Variants in ZBTB8OS observed in about 807,000 individuals in gnomAD.
ZBTB8OS encodes tRNA splicing ligase complex subunit 1.
A neutral mutation model predicts 29.3 loss-of-function variants in ZBTB8OS; 16 were observed. The ratio of observed to expected loss-of-function variants is 0.55; its 90% confidence interval spans 0.37 to 0.83. The LOEUF (loss-of-function observed/expected upper bound fraction) is 0.83. ZBTB8OS is among the 40% of genes least tolerant of loss of function. ZBTB8OS has a pLI of 0.00. For synonymous variants in ZBTB8OS, 70 were observed against 64.6 expected (o/e 1.08, Z -0.40); for missense variants, 160 against 196.9 (o/e 0.81, Z 1.12).
intron 1 of ZBTB8OS, among the ~76,000 whole-genome samples, chr1:32,647,997 A>G (rs139151110): frequency 1.3e-5 from 2 of 152,256 alleles, no homozygotes; most frequent in East Asian, 3.9e-4. Flanking sequence ...GCATTGCATA[A>G]AAACACTTTC....
chr1:32,624,512 T>G (rs1644968379), intron 6 of ZBTB8OS, among the ~76,000 whole-genome samples: 1 of 152,216 alleles, frequency 6.6e-6, no homozygotes, highest in Admixed American at 6.5e-5. Context: ...AAGACAGTAT[T>G]AAAACCAGGA....
rs779139153 is a variant in ZBTB8OS at position 32,650,497 on chromosome 1, G to A, written c.33C>T (p.Tyr11=). The part of the protein sequence containing the change: MAQEEEDVRD[Y]NLTEEQKAIK... ...TCGCCTTCTGTTCTTCAGTCAAATT[G>A]TAATCTCTAACATCTTCCTCTTCCT... The change falls in exon 1 of 7, where the codon TAC becomes TAT. Residue 11 remains tyrosine (Y), a synonymous_variant. Coordinates refer to ENST00000468695, the MANE Select transcript of ZBTB8OS (RefSeq NM_178547.5). 19 of 1,614,124 alleles carry A rather than the reference G, an allele frequency of 1.2e-5. No individual in the cohort carries two copies. The South Asian group carries it at 2.1e-4, about 18-fold the overall frequency.
At chr1:32,648,549 A>G (rs1448385403) in intron 1 of ZBTB8OS, among the ~76,000 whole-genome samples, 4 of 152,208 alleles carry the variant, frequency 2.6e-5, no homozygotes, top group African/African-American at 7.2e-5. Flanking sequence ...AAAGGTAACG[A>G]TGACTGCTCT....
At chr1:32,624,673 C>T (rs1021232252) in intron 6 of ZBTB8OS, among the ~76,000 whole-genome samples, 2 of 152,110 alleles carry the variant, frequency 1.3e-5, no homozygotes, top group Non-Finnish European at 2.9e-5. Flanking sequence ...GCAGGTGGAT[C>T]ACCTGAAGTC....
At chr1:32,647,235 G>A (rs1352091890) in intron 1 of ZBTB8OS, among the ~76,000 whole-genome samples, 1 of 134,864 alleles carries the variant, frequency 7.4e-6, no homozygotes, top group Non-Finnish European at 1.6e-5. Context: ...AGGCACGGTG[G>A]TGCATACCTG....
chr1:32,638,470 G>A lies in ZBTB8OS; in HGVS notation c.98-3678C>T, dbSNP rs1206895125. ...CCTCCCAAAAGCTGGGATTACAGGCGTGAGCCACTGCGACCAGCCCAGAAT... is the reference window on the plus strand; with the variant it reads ...CCTCCCAAAAGCTGGGATTACAGGCATGAGCCACTGCGACCAGCCCAGAAT... On this transcript the variant is annotated intron_variant, in intron 1 of 6. Transcript: ENST00000468695. 2.6e-5 allele frequency among the ~76,000 whole-genome samples: 4 copies of A among 152,032 alleles called. No individual in the cohort carries two copies. The South Asian group carries it at 6.2e-4, about 24-fold the overall frequency.
chr1:32,630,693 T>C (rs1018311686), intron 5 of ZBTB8OS, among the ~76,000 whole-genome samples: 5 of 151,518 alleles, frequency 3.3e-5, no homozygotes, highest in South Asian at 2.1e-4. Flanking sequence ...CTGGGCAACA[T>C]AGTGAATGAG....
intron 2 of ZBTB8OS, 81 bp from the exon 3 acceptor site, chr1:32,634,153 T>C: frequency 7.9e-7 from 1 of 1,264,414 alleles, no homozygotes; most frequent in Non-Finnish European, 1.0e-6. Context: ...TCAAAATAAA[T>C]TCAGTATGAT....
chr1:32,643,811 ACTTTTTTTTTT>A (rs1269503758), intron 1 of ZBTB8OS, among the ~76,000 whole-genome samples: 1 of 14,416 alleles, frequency 6.9e-5, no homozygotes, highest in Non-Finnish European at 2.5e-4. Context: ...AATTTTTTTT[ACTTTTTTTTTT>A]CTTTTTCTAT....
At chr1:32,644,510 C>T (rs1646681568) in intron 1 of ZBTB8OS, among the ~76,000 whole-genome samples, 1 of 150,904 alleles carries the variant, frequency 6.6e-6, no homozygotes, top group Non-Finnish European at 1.5e-5. Context: ...CTGCTTCTAT[C>T]CTAAGAATGT....
chr1:32,650,515 C>T lies in ZBTB8OS; in HGVS notation c.15G>A (p.Glu5=), dbSNP rs775997976. MAQE[E]EDVRDYNLTE... ...TCAAATTGTAATCTCTAACATCTTCCTCTTCCTGCGCCATGACTGCAGGAT... is the reference window on the plus strand; with the variant it reads ...TCAAATTGTAATCTCTAACATCTTCTTCTTCCTGCGCCATGACTGCAGGAT... Residue 5 remains glutamate, a synonymous_variant, in exon 1 of 7, where the codon GAG becomes GAA. Coordinates refer to ENST00000468695, the MANE Select transcript of ZBTB8OS (RefSeq NM_178547.5). 1.2e-6 allele frequency: 2 copies of T among 1,614,182 alleles called. No individual in the cohort carries two copies. The highest frequency in any genetic ancestry group is 1.7e-6 in the Non-Finnish European group (2 of 1,180,030).
intron 5 of ZBTB8OS, among the ~76,000 whole-genome samples, chr1:32,629,216 G>A (rs962500925): frequency 1.3e-5 from 2 of 151,910 alleles, no homozygotes; most frequent in Non-Finnish European, 2.9e-5. Context: ...TTTGAGACCA[G>A]CCTGGGCAAT....
upstream of ZBTB8OS, chr1:32,650,930 G>C: frequency 2.1e-6 from 1 of 468,188 alleles, no homozygotes. Flanking sequence ...CAAGAAAATG[G>C]CTGCCCTCTT....
At chr1:32,643,077 T>A (rs1646550141) in intron 1 of ZBTB8OS, among the ~76,000 whole-genome samples, 1 of 144,712 alleles carries the variant, frequency 6.9e-6, no homozygotes, top group African/African-American at 2.6e-5. Flanking sequence ...GGCCTTTTTT[T>A]TTTTTTTTTT....
intron 2 of ZBTB8OS, 36 bp downstream of exon 2, chr1:32,634,732 C>A: frequency 6.2e-7 from 1 of 1,613,524 alleles, no homozygotes. Context: ...TTCCTACTGA[C>A]GTGGTTTCAA....
At chr1:32,648,788 A>G (rs1246745613) in intron 1 of ZBTB8OS, among the ~76,000 whole-genome samples, 6 of 151,496 alleles carry the variant, frequency 4.0e-5, no homozygotes, top group Non-Finnish European at 8.8e-5. Flanking sequence ...CCGCCCAAGC[A>G]GCTGGGATTA....
At chr1:32,631,354 C>CA (rs560515421) in intron 5 of ZBTB8OS, among the ~76,000 whole-genome samples, 2,643 of 63,056 alleles carry the variant, frequency 0.042, 37 homozygotes, top group Middle Eastern at 0.057. Context: ...GACCCTGTAT[C>CA]AAAAAAAAAA....
At chr1:32,635,568 G>A (rs973421876) in intron 1 of ZBTB8OS, among the ~76,000 whole-genome samples, 2 of 152,094 alleles carry the variant, frequency 1.3e-5, no homozygotes, top group Non-Finnish European at 2.9e-5. Context: ...GAGCCACTGC[G>A]CCTGGCCCAC....
chr1:32,637,600 A>G (rs1477135075), intron 1 of ZBTB8OS, among the ~76,000 whole-genome samples: 4 of 151,998 alleles, frequency 2.6e-5, no homozygotes, highest in Non-Finnish European at 5.9e-5. Flanking sequence ...GTGTGGTTCC[A>G]TCTATATGAA....
Sources: allele counts gnomAD v4.1 joint callset (sites outside exome capture counted in the v4.1 genomes callset), GRCh38; gene constraint gnomAD v4.1.1; transcripts MANE v1.5; gene names NCBI Gene and HGNC (gene_info 2026-07-23, HGNC 2026-07-21).